MTUS2: variants seen among roughly 807,000 people sequenced by gnomAD.
MTUS2 encodes the protein microtubule associated scaffold protein 2, also known as microtubule-associated tumor suppressor candidate 2.
MTUS2 carries 40 observed loss-of-function variants against 114.1 expected under a neutral mutation model. The observed-to-expected ratio is 0.35, with a 90% CI of 0.27 to 0.46. MTUS2 has a LOEUF of 0.46. Ranked by LOEUF, MTUS2 falls within the 20% of genes least tolerant of loss-of-function variation. MTUS2 has a pLI of 1.00. For synonymous variants in MTUS2, 688 were observed against 672.0 expected (o/e 1.02, Z -0.37); for missense variants, 1,679 against 1,705.4 (o/e 0.98, Z 0.27).
chr13:29,037,467 G>T (rs1478400772), intron 4 of MTUS2, among the ~76,000 whole-genome samples: 2 of 152,076 alleles, frequency 1.3e-5, no homozygotes, highest in Non-Finnish European at 2.9e-5. Flanking sequence ...TTCAACCTTG[G>T]TGAATCATAT....
intron 7 of MTUS2, among the ~76,000 whole-genome samples, chr13:29,328,853 CT>C (rs1452534116): frequency 6.6e-6 from 1 of 152,110 alleles, no homozygotes; most frequent in East Asian, 1.9e-4. Context: ...GGGATAAAAT[CT>C]TTTTTACTTC....
chr13:28,999,050 A>T (rs151019655), intron 2 of MTUS2, among the ~76,000 whole-genome samples: 185 of 152,134 alleles, frequency 1.2e-3, no homozygotes, highest in African/African-American at 4.2e-3. Flanking sequence ...GATGATGGTG[A>T]TGTACAGATA....
chr13:29,253,319 G>A (rs112790692), intron 5 of MTUS2, among the ~76,000 whole-genome samples: 35,881 of 151,568 alleles, frequency 0.24, 4,656 homozygotes, highest in South Asian at 0.4. Context: ...CCAGCTACTC[G>A]GGAGGCTGAG....
chr13:29,341,581 A>C (rs1182355053), intron 7 of MTUS2, among the ~76,000 whole-genome samples: 1 of 151,896 alleles, frequency 6.6e-6, no homozygotes, highest in Non-Finnish European at 1.5e-5. Context: ...ATTTTCTCCC[A>C]CTCTGAGGGA....
chr13:29,356,642 G>T (rs1277910454), intron 7 of MTUS2, among the ~76,000 whole-genome samples: 1 of 152,216 alleles, frequency 6.6e-6, no homozygotes, highest in East Asian at 1.9e-4. Flanking sequence ...GCACGAGAAA[G>T]AATACTGTTT....
intron 2 of MTUS2, among the ~76,000 whole-genome samples, chr13:28,891,879 A>G (rs1392102787): frequency 6.6e-6 from 1 of 150,798 alleles, no homozygotes; most frequent in African/African-American, 2.4e-5. Flanking sequence ...AAAAAAAAAA[A>G]AAAGAATAAC....
At chr13:28,875,350 T>C (rs1215644323) in intron 2 of MTUS2, among the ~76,000 whole-genome samples, 4 of 152,234 alleles carry the variant, frequency 2.6e-5, no homozygotes, top group Non-Finnish European at 4.4e-5. Context: ...AAAAATGTGT[T>C]AAATGAATGA....
chr13:29,491,899 GGCGT>G, intron 11 of MTUS2, among the ~76,000 whole-genome samples: 1 of 142,500 alleles, frequency 7.0e-6, no homozygotes, highest in Admixed American at 7.0e-5. Context: ...ATGTGTGCGT[GGCGT>G]GTAGTGTGTG....
At chr13:29,212,854 T>C (rs1410401152) in intron 5 of MTUS2, among the ~76,000 whole-genome samples, 22 of 152,108 alleles carry the variant, frequency 1.4e-4, no homozygotes, top group Admixed American at 1.4e-3. Context: ...TTTATAAGGC[T>C]CCGTCACATA....
At chr13:29,015,683 C>G (rs890981346) in intron 2 of MTUS2, among the ~76,000 whole-genome samples, 2 of 151,962 alleles carry the variant, frequency 1.3e-5, no homozygotes, top group Non-Finnish European at 2.9e-5. Context: ...CTGAAGACAA[C>G]CTAAACTCTA....
rs547707108 is a variant in MTUS2, at chr13:29,070,970, C to G, written c.2447-29803C>G. Among the ~76,000 whole-genome samples, 9 of 129,340 alleles carry G rather than the reference C, an allele frequency of 7.0e-5. No individual in the cohort carries two copies. In the East Asian group the frequency reaches 1.6e-3, roughly 23 times the overall value. The allele number at this position is 129,340 out of a possible 152,430, so 84.9% of individuals were successfully genotyped here. On this transcript the variant is annotated intron_variant, in intron 4 of 15. Transcript: ENST00000612955. ...ATTTCTAAGAATGCCTTCTTGGCTT[C>G]TGATTGCTTGTTTTTTTTTTTGGTT...
chr13:29,307,402 G>A (rs12868468), intron 6 of MTUS2: 418,721 of 1,018,646 alleles, frequency 0.41, 90,723 homozygotes, highest in Non-Finnish European at 0.46. Flanking sequence ...CATCATCCCT[G>A]CCCCTAGTGA....
intron 5 of MTUS2, among the ~76,000 whole-genome samples, chr13:29,175,206 TA>T (rs1893720101): frequency 6.6e-6 from 1 of 152,208 alleles, no homozygotes; most frequent in African/African-American, 2.4e-5. Flanking sequence ...ACTGTAAATA[TA>T]AAGTCTAAAT....
At chr13:29,353,605 T>C (rs1049422705) in intron 7 of MTUS2, among the ~76,000 whole-genome samples, 12 of 152,168 alleles carry the variant, frequency 7.9e-5, no homozygotes, top group African/African-American at 2.9e-4. Context: ...CTAGCCCCCA[T>C]AGTATTCTTA....
At chr13:29,498,714 T>C (rs1270107008) in intron 14 of MTUS2, among the ~76,000 whole-genome samples, 177 bp downstream of exon 14, 1 of 152,158 alleles carries the variant, frequency 6.6e-6, no homozygotes, top group Non-Finnish European at 1.5e-5. Flanking sequence ...ATAAGGAATC[T>C]TGGAGGTGGC....
At chr13:28,846,775 A>G (rs1340036969) in intron 2 of MTUS2, among the ~76,000 whole-genome samples, 2 of 152,238 alleles carry the variant, frequency 1.3e-5, no homozygotes, top group South Asian at 4.1e-4. Flanking sequence ...AAAGGCAAAC[A>G]TAACAAAATT....
chr13:29,004,259 T>G (rs953836690), intron 2 of MTUS2, among the ~76,000 whole-genome samples: 1 of 152,244 alleles, frequency 6.6e-6, no homozygotes, highest in African/African-American at 2.4e-5. Flanking sequence ...AAAACAATTC[T>G]TATCCATGTA....
intron 2 of MTUS2, among the ~76,000 whole-genome samples, chr13:28,888,875 A>G (rs1878753379): frequency 6.6e-6 from 1 of 152,168 alleles, no homozygotes. Flanking sequence ...CATCCTTTAC[A>G]TTTAGAATTG....
intron 12 of MTUS2, among the ~76,000 whole-genome samples, chr13:29,494,626 C>T (rs1223597220): frequency 6.6e-6 from 1 of 152,026 alleles, no homozygotes; most frequent in Admixed American, 6.6e-5. Flanking sequence ...TGCTACACTG[C>T]CCAGGCTGTG....
Sources: allele counts gnomAD v4.1 joint callset (sites outside exome capture counted in the v4.1 genomes callset), GRCh38; gene constraint gnomAD v4.1.1; transcripts MANE v1.5; gene names NCBI Gene and HGNC (gene_info 2026-07-23, HGNC 2026-07-21).